MTUS2: variants seen among roughly 807,000 people sequenced by gnomAD.
MTUS2 encodes the protein microtubule-associated tumor suppressor candidate 2.
Under a neutral mutation model 114.1 loss-of-function variants are expected in MTUS2, and 40 were observed. The observed-to-expected ratio is 0.35, with a 90% confidence interval of 0.27 to 0.46. MTUS2 has a LOEUF of 0.46. MTUS2 is among the 20% of genes least tolerant of loss of function. MTUS2 has a pLI of 1.00. For missense variants in MTUS2, 1,679 were observed against 1,705.4 expected (o/e 0.98, Z 0.27); for synonymous variants, 688 against 672.0 (o/e 1.02, Z -0.37).
chr13:29,071,326 T>C (rs1326917133), intron 4 of MTUS2, among the ~76,000 whole-genome samples: 1 of 151,084 alleles, frequency 6.6e-6, no homozygotes, highest in East Asian at 1.9e-4. Context: ...AGCACATTGT[T>C]CTTTATTTTA....
At chr13:28,997,823 A>G (rs1885187737) in intron 2 of MTUS2, among the ~76,000 whole-genome samples, 1 of 152,030 alleles carries the variant, frequency 6.6e-6, no homozygotes, top group South Asian at 2.1e-4. Flanking sequence ...CAGCACAATG[A>G]TGGGTCTTGA....
chr13:28,913,495 T>C (rs1880569958), intron 2 of MTUS2, among the ~76,000 whole-genome samples: 1 of 152,178 alleles, frequency 6.6e-6, no homozygotes, highest in Non-Finnish European at 1.5e-5. Flanking sequence ...TTTTTTGATG[T>C]GCTGCTGGAT....
intron 5 of MTUS2, among the ~76,000 whole-genome samples, chr13:29,265,323 A>T (rs1473189299): frequency 6.6e-6 from 1 of 152,166 alleles, no homozygotes; most frequent in Non-Finnish European, 1.5e-5. Flanking sequence ...TTCACTGTCC[A>T]TATCACTATC....
intron 4 of MTUS2, among the ~76,000 whole-genome samples, chr13:29,045,183 G>C (rs1277457906): frequency 1.3e-5 from 2 of 152,222 alleles, no homozygotes; most frequent in African/African-American, 4.8e-5. Flanking sequence ...TGATGTTCCT[G>C]GTTGTTATGC....
intron 5 of MTUS2, among the ~76,000 whole-genome samples, chr13:29,273,979 G>A (rs1043006174): frequency 4.6e-5 from 7 of 152,138 alleles, no homozygotes; most frequent in African/African-American, 1.7e-4. Flanking sequence ...ATGTTGCTAT[G>A]AACATTCATG....
chr13:29,124,554 G>A (rs1213703674), intron 5 of MTUS2, among the ~76,000 whole-genome samples: 1 of 152,096 alleles, frequency 6.6e-6, no homozygotes, highest in East Asian at 1.9e-4. Flanking sequence ...TAGAATTACT[G>A]TGTCACCCAG....
At chr13:28,888,451 C>T (rs993254007) in intron 2 of MTUS2, among the ~76,000 whole-genome samples, 4 of 129,134 alleles carry the variant, frequency 3.1e-5, no homozygotes, top group Admixed American at 9.0e-5. Context: ...GATGGAGTTT[C>T]GCTCTTGTTG....
chr13:29,347,107 G>A (rs4264245), intron 7 of MTUS2, among the ~76,000 whole-genome samples: 84,466 of 142,140 alleles, frequency 0.59, 26,998 homozygotes, highest in East Asian at 0.76. Context: ...CTTGGAGCCA[G>A]AGTTCACAGT....
Position 29,389,316 on chromosome 13 carries a change from TAC to T in MTUS2, c.3117+29847_3117+29848del, listed in dbSNP as rs1285112326. Among the ~76,000 whole-genome samples, 23 of 127,420 alleles carry T rather than the reference TAC, an allele frequency of 1.8e-4. No individual in the cohort carries two copies. In the South Asian group the frequency reaches 4.8e-3, roughly 27 times the overall value. The allele number at this position is 127,420 out of a possible 152,430, so 83.6% of individuals were successfully genotyped here. ...ATGTGTGTATATGTGTATATATGTA[TAC>T]ACATATGTGTGTATATATGTATGCA... is the stretch of plus-strand genomic sequence containing the variant. On this transcript the variant is annotated intron_variant, in intron 8 of 15. Transcript: ENST00000612955.
At chr13:29,061,068 G>A (rs1249127127) in intron 4 of MTUS2, among the ~76,000 whole-genome samples, 3 of 152,066 alleles carry the variant, frequency 2.0e-5, no homozygotes, top group Non-Finnish European at 2.9e-5. Flanking sequence ...TGGGATTACC[G>A]ACGTGAGCCA....
At chr13:29,018,267 G>C (rs1432213735) in intron 2 of MTUS2, among the ~76,000 whole-genome samples, 1 of 152,168 alleles carries the variant, frequency 6.6e-6, no homozygotes, top group African/African-American at 2.4e-5. Context: ...AAGCCGAGAG[G>C]TGTCACTTTA....
rs1192091058 is a variant in MTUS2 at position 29,496,888 on chromosome 13, A to G, written c.3580-350A>G. On this transcript the variant is annotated intron_variant, in intron 12 of 15. Transcript: ENST00000612955. This position sits in a 1 kb window ranked among gnomAD's most constrained non-coding sequence, Gnocchi z 4.3. ...AAATACATTCATCGCGGTCCTTCCC[A>G]AAGCCAGGGGCTAGGTGCCTCCTGG... Among the ~76,000 whole-genome samples the G allele has an allele frequency of 6.6e-6, 1 of 152,158 alleles. No homozygotes were observed. Among genetic ancestry groups the G allele is most frequent in the African/African-American group, 2.4e-5 (1 of 41,448 alleles).
At chr13:29,319,809 G>C (rs1314083755) in intron 6 of MTUS2, among the ~76,000 whole-genome samples, 1 of 152,048 alleles carries the variant, frequency 6.6e-6, no homozygotes, top group Admixed American at 6.6e-5. Flanking sequence ...AGAGATCAGG[G>C]AAAGCTGAAT....
At chr13:29,347,931 A>C (rs1434584363) in intron 7 of MTUS2, among the ~76,000 whole-genome samples, 2 of 91,768 alleles carry the variant, frequency 2.2e-5, no homozygotes, top group Admixed American at 2.8e-4. Context: ...TTGGATGAGG[A>C]AGTACACAGA....
intron 9 of MTUS2, 78 bp downstream of exon 9, chr13:29,440,127 T>C (rs979117692): frequency 5.7e-6 from 8 of 1,402,296 alleles, no homozygotes; most frequent in Admixed American, 4.0e-5. Context: ...AAAGCAATTA[T>C]GCCTCCTGTA....
chr13:29,254,573 C>G (rs1346989150), intron 5 of MTUS2, among the ~76,000 whole-genome samples: 2 of 152,246 alleles, frequency 1.3e-5, no homozygotes, highest in African/African-American at 4.8e-5. Context: ...TCATAGCCTT[C>G]TCTGTGTTTC....
chr13:29,012,690 G>A (rs1885901488), intron 2 of MTUS2, among the ~76,000 whole-genome samples: 1 of 151,970 alleles, frequency 6.6e-6, no homozygotes, highest in South Asian at 2.1e-4. Context: ...TGGCTAACAC[G>A]GTGCAACCCC....
intron 5 of MTUS2, among the ~76,000 whole-genome samples, chr13:29,210,449 T>A (rs549305523): frequency 2.0e-5 from 3 of 152,274 alleles, no homozygotes; most frequent in Admixed American, 2.0e-4. Context: ...TCTCCTTGGT[T>A]TGGCTCCATT....
chr13:29,471,752 A>AC, intron 9 of MTUS2, among the ~76,000 whole-genome samples: 1 of 102,818 alleles, frequency 9.7e-6, no homozygotes. Context: ...GCCCCCCCCG[A>AC]CACATTGATC....
Sources: gnomAD v4.1 joint callset for allele counts (sites outside exome capture counted in the v4.1 genomes callset) on GRCh38, gnomAD v4.1.1 for gene constraint, Gnocchi (gnomAD v3.1) non-coding constraint, MANE v1.5 for transcripts, NCBI Gene and HGNC (gene_info 2026-07-23, HGNC 2026-07-21) for gene names.